The following PARD3B variants were observed in gnomAD, a reference collection of about 807,000 sequenced individuals.
PARD3B encodes the protein partitioning defective 3 homolog B.
A neutral mutation model predicts 130.2 loss-of-function variants in PARD3B; 103 were observed. The observed-to-expected ratio is 0.79, with a 90% CI of 0.67 to 0.93. The LOEUF is 0.93. Ranked by LOEUF, PARD3B falls within the 40% of genes least tolerant of loss-of-function variation. The probability of loss-of-function intolerance (pLI) is 0.00; values close to 1 mark genes in which losing one functional copy is unlikely to be tolerated. For synonymous variants in PARD3B, 583 were observed against 553.2 expected (o/e 1.05, Z -0.76); for missense variants, 1,609 against 1,499.2 (o/e 1.07, Z -1.21).
intron 3 of PARD3B, among the ~76,000 whole-genome samples, chr2:205,026,496 C>G (rs1020024687): frequency 6.6e-6 from 1 of 152,136 alleles, no homozygotes; most frequent in African/African-American, 2.4e-5. Context: ...TCAACACATT[C>G]ATCATCATCC....
In PARD3B at chr2:205,238,849, A is replaced by AATATATAT. The variant is rs66692400; in HGVS notation, c.2141-6908_2141-6901dup. 1.3e-4 allele frequency among the ~76,000 whole-genome samples: 10 copies of AATATATAT among 76,898 alleles called. 1 individual carries two copies. In the South Asian group the frequency reaches 2.6e-3, roughly 20 times the overall value. 50.4% of individuals were successfully genotyped at this position (76,898 alleles called of 152,430 possible). ...AAACTCCGTTTCAAAAAAAAAAAAA[A>AATATATAT]ATATATATATATATATATATATATA... On this transcript the variant is annotated intron_variant, in intron 15 of 22. Coordinates refer to ENST00000406610, the MANE Select transcript of PARD3B (RefSeq NM_001302769.2).
At chr2:205,006,598 T>C (rs978351250) in intron 3 of PARD3B, among the ~76,000 whole-genome samples, 3 of 152,188 alleles carry the variant, frequency 2.0e-5, no homozygotes, top group Non-Finnish European at 4.4e-5. Flanking sequence ...TTATTGGCTG[T>C]TTGTATATCT....
At chr2:204,750,118 G>A (rs891598575) in intron 2 of PARD3B, among the ~76,000 whole-genome samples, 1 of 152,330 alleles carries the variant, frequency 6.6e-6, no homozygotes, top group African/African-American at 2.4e-5. Flanking sequence ...TCTGATGTCA[G>A]TGTTTTTACT....
chr2:205,477,741 C>T (rs1231200568), intron 20 of PARD3B, among the ~76,000 whole-genome samples: 2 of 152,178 alleles, frequency 1.3e-5, no homozygotes, highest in African/African-American at 2.4e-5. Context: ...TCTTGCTTAT[C>T]GCCCTGAATT....
intron 16 of PARD3B, among the ~76,000 whole-genome samples, chr2:205,275,135 A>G (rs745505881): frequency 6.6e-6 from 1 of 151,978 alleles, no homozygotes; most frequent in South Asian, 2.1e-4. Context: ...ATATATAATC[A>G]CAAATCAAAC....
intron 2 of PARD3B, among the ~76,000 whole-genome samples, chr2:204,894,808 A>C (rs1232325955): frequency 6.6e-6 from 1 of 152,114 alleles, no homozygotes; most frequent in African/African-American, 2.4e-5. Flanking sequence ...ATGTTTATAG[A>C]TGACATGGAT....
chr2:204,672,717 G>C (rs534656392), intron 1 of PARD3B, among the ~76,000 whole-genome samples: 1 of 152,194 alleles, frequency 6.6e-6, no homozygotes, highest in South Asian at 2.1e-4. Flanking sequence ...TACCATTCTG[G>C]TGCTTCTCTT....
intron 1 of PARD3B, among the ~76,000 whole-genome samples, chr2:204,585,452 G>A (rs1314110589): frequency 1.3e-5 from 2 of 151,578 alleles, no homozygotes; most frequent in East Asian, 3.9e-4. Context: ...TCCCATCTCA[G>A]CCTCCTAAGT....
chr2:205,020,095 C>G (rs906986603), intron 3 of PARD3B, among the ~76,000 whole-genome samples: 2 of 152,096 alleles, frequency 1.3e-5, no homozygotes, highest in African/African-American at 4.8e-5. Context: ...CCCTACAGTC[C>G]ACGGTCTTTT....
chr2:205,271,732 A>C (rs1175442015), intron 16 of PARD3B, among the ~76,000 whole-genome samples: 3 of 152,228 alleles, frequency 2.0e-5, no homozygotes, highest in Admixed American at 2.0e-4. Flanking sequence ...CCAGGTTGGA[A>C]ACCACTATCC....
chr2:204,568,210 T>G (rs1401507589), intron 1 of PARD3B, among the ~76,000 whole-genome samples: 1 of 152,202 alleles, frequency 6.6e-6, no homozygotes, highest in Non-Finnish European at 1.5e-5. Context: ...ATTAGAAACA[T>G]GGTCTCAGCT....
chr2:205,039,657 A>G (rs935366624), intron 3 of PARD3B, among the ~76,000 whole-genome samples: 1 of 151,880 alleles, frequency 6.6e-6, no homozygotes, highest in Non-Finnish European at 1.5e-5. Context: ...TTTAGTAGAG[A>G]TGGGGTTTTG....
At chr2:205,549,734 C>T (rs1341312876) in intron 21 of PARD3B, among the ~76,000 whole-genome samples, 3 of 152,262 alleles carry the variant, frequency 2.0e-5, no homozygotes, top group Middle Eastern at 3.4e-3. Context: ...TGTCCAAACC[C>T]ATAGAATGAG....
At chr2:204,939,431 G>T (rs1364506809) in intron 2 of PARD3B, among the ~76,000 whole-genome samples, 1 of 152,172 alleles carries the variant, frequency 6.6e-6, no homozygotes. Flanking sequence ...TAGATCACTA[G>T]AAGGCAAGTG....
intron 2 of PARD3B, among the ~76,000 whole-genome samples, chr2:204,731,700 T>C (rs750319911): frequency 6.6e-6 from 1 of 152,130 alleles, no homozygotes; most frequent in Non-Finnish European, 1.5e-5. Flanking sequence ...TGAATGAAAA[T>C]TTTAACCAAA....
Position 205,160,303 on chromosome 2 carries a change from C to A in PARD3B, c.1620+1396C>A, listed in dbSNP as rs1344824349. ...GTAGGATTCTGATTCAGGCTGGTGT[C>A]TCTTGATCCCACTGTAACTCTGCAG... is the stretch of plus-strand genomic sequence containing the variant. On this transcript the variant is annotated intron_variant, in intron 11 of 22. Transcript: ENST00000406610. The surrounding 1 kb of genome is among the most constrained non-coding windows in gnomAD (Gnocchi z 4.0). 6.6e-6 allele frequency among the ~76,000 whole-genome samples: 1 copy of A among 152,196 alleles called. No homozygotes were observed.
chr2:204,585,896 A>G (rs2032801239), intron 1 of PARD3B, among the ~76,000 whole-genome samples: 1 of 152,220 alleles, frequency 6.6e-6, no homozygotes, highest in Non-Finnish European at 1.5e-5. Context: ...TACTTCCTAG[A>G]TATATTGCCT....
rs757089293 is a variant in PARD3B, at chr2:205,386,664, TG to T, written c.2631-14348del. ...TTAATTAAGTAGAGTTTTTTTTTTTTGTTGTTGAAGGATTCAGATTTTTCAG... is the reference window on the plus strand; with the variant it reads ...TTAATTAAGTAGAGTTTTTTTTTTTTTTGTTGAAGGATTCAGATTTTTCAG... On this transcript the variant is annotated intron_variant, in intron 18 of 22. Transcript: ENST00000406610. Among the ~76,000 whole-genome samples, 1,235 of 147,260 alleles carry T rather than the reference TG, an allele frequency of 8.4e-3. 13 individuals carry two copies. The highest frequency in any genetic ancestry group is 0.017 in the African/African-American group (697 of 40,132).
chr2:205,171,040 A>C (rs1038822898), intron 11 of PARD3B, among the ~76,000 whole-genome samples: 1 of 152,160 alleles, frequency 6.6e-6, no homozygotes. Context: ...TTTCTGTAAA[A>C]TGTTTCTGAA....
Sources: allele counts gnomAD v4.1 joint callset (sites outside exome capture counted in the v4.1 genomes callset), GRCh38; gene constraint gnomAD v4.1.1; non-coding constraint Gnocchi (gnomAD v3.1); transcripts MANE v1.5; gene names NCBI Gene and HGNC (gene_info 2026-07-23, HGNC 2026-07-21).